CHAT: variants seen among roughly 807,000 people sequenced by gnomAD.
The protein encoded by CHAT is choline O-acetyltransferase, also known as acetyl CoA:choline O-acetyltransferase.
CHAT carries 61 observed loss-of-function variants against 76.9 expected under a neutral mutation model. The ratio of observed to expected loss-of-function variants is 0.79; its 90% CI spans 0.65 to 0.98. CHAT has a LOEUF of 0.98. Among genes scored for constraint, CHAT ranks in the 50% least tolerant of loss-of-function variants. CHAT has a pLI of 0.00. For synonymous variants in CHAT, 407 were observed against 397.4 expected (o/e 1.02, Z -0.29); for missense variants, 946 against 986.9 (o/e 0.96, Z 0.56).
At chr10:49,619,648 G>A (rs1838623754) in intron 2 of CHAT, 77 bp from the exon 3 acceptor site, 4 of 1,410,624 alleles carry the variant, frequency 2.8e-6, no homozygotes, top group Non-Finnish European at 3.9e-6. Context: ...GAACAATACA[G>A]ATACTAGGGA....
intron 7 of CHAT, among the ~76,000 whole-genome samples, chr10:49,643,043 A>G (rs1839538321): frequency 6.6e-6 from 1 of 152,176 alleles, no homozygotes. Context: ...CCCTCCACTT[A>G]GTGGATGATT....
At chr10:49,655,342 A>AAAG in intron 12 of CHAT, 44 bp from the exon 13 acceptor site, 1 of 1,613,470 alleles carries the variant, frequency 6.2e-7, no homozygotes, top group Non-Finnish European at 8.5e-7. Context: ...TTTGGCTCCA[A>AAAG]GCAGCCTTTT....
upstream of CHAT, chr10:49,611,352 C>T: frequency 6.2e-7 from 1 of 1,601,054 alleles, no homozygotes. Context: ...CCGATAAGTA[C>T]CCGGAGGAGC....
intron 7 of CHAT, among the ~76,000 whole-genome samples, chr10:49,641,592 C>T (rs539068139): frequency 1.4e-4 from 22 of 152,118 alleles, no homozygotes; most frequent in African/African-American, 5.1e-4. Context: ...GCCAGAGAGT[C>T]GGGAAGAATA....
chr10:49,650,655 G>C (rs534855809), intron 10 of CHAT, among the ~76,000 whole-genome samples: 2 of 152,306 alleles, frequency 1.3e-5, no homozygotes, highest in South Asian at 2.1e-4. Context: ...TATGGGCCTA[G>C]AGCCTGCCCT....
At chr10:49,647,615 C>G (rs1839714499) in intron 8 of CHAT, among the ~76,000 whole-genome samples, 2 of 152,212 alleles carry the variant, frequency 1.3e-5, no homozygotes, top group South Asian at 4.1e-4. Context: ...GCTGGGCCAG[C>G]TGTTTTAGCC....
rs778131406 is a variant in CHAT at position 49,619,935 on chromosome 10, GAACCC to G, written c.579+21_579+25del. ...CAACTGGGTAAGAGGGGCAGACAAG[GAACCC>G]ATAGAAGAGGGGCGGGAGGCAGACC... On this transcript the variant is annotated intron_variant, in intron 3 of 14. Coordinates refer to ENST00000337653, the MANE Select transcript of CHAT (RefSeq NM_020549.5). 5 of 1,604,412 alleles carry G rather than the reference GAACCC, an allele frequency of 3.1e-6. No homozygotes were observed. Among genetic ancestry groups the G allele is most frequent in the Non-Finnish European group, 4.3e-6 (5 of 1,176,006 alleles).
chr10:49,622,041 G>GGTCGGGAAGAGGAAGGAGATGGAAGGAA, intron 4 of CHAT, 56 bp from the exon 5 acceptor site: 1 of 520,534 alleles, frequency 1.9e-6, no homozygotes, highest in Non-Finnish European at 2.8e-6. Context: ...AGGGAGGGAG[G>GGTCGGGAAGAGGAAGGAGATGGAAGGAA]GAGGGAGGAA....
Position 49,627,799 on chromosome 10 carries a change from C to G in CHAT, c.1111+14C>G. 6.2e-7 allele frequency: 1 copy of G among 1,611,652 alleles called. No individual in the cohort carries two copies. Among genetic ancestry groups the G allele is most frequent in the Non-Finnish European group, 8.5e-7 (1 of 1,179,574 alleles). ...TCCTCGTGAAAGGTCAGCCGCAGTG[C>G]CCAGCACATCTCCATGCCCATCTCA... On this transcript the variant is annotated intron_variant, in intron 7 of 14. Transcript: ENST00000337653.
chr10:49,662,777 A>T lies in CHAT; in HGVS notation c.1972A>T (p.Ser658Cys). The T allele has an allele frequency of 1.2e-6, 2 of 1,614,210 alleles. No individual in the cohort carries two copies. Among genetic ancestry groups the T allele is most frequent in the Non-Finnish European group, 1.7e-6 (2 of 1,180,028 alleles). ...LMSNRFVLST[S>C]QVPTTTEMFC... ...GAGCAACCGGTTTGTCCTCTCCACT[A>T]GCCAGGTACGGCCCCGTGCAGCTAT... Residue 658 changes from serine (S) to cysteine (C), a missense_variant, in exon 14 of 15, where the codon AGC (serine) becomes TGC (cysteine). Ser to Cys is a moderately radical substitution (Grantham distance 112). Around this residue, in one of 3 missense-constraint regions of CHAT, gnomAD observed 349 missense variants for 393.9 expected, o/e 0.89. Coordinates refer to ENST00000337653, the MANE Select transcript of CHAT (RefSeq NM_020549.5).
At position 49,627,654 on chromosome 10, in the gene CHAT, G is replaced by A. The variant is rs546158744; in HGVS notation, c.980G>A (p.Gly327Glu). The A allele has an allele frequency of 5.6e-6, 9 of 1,614,142 alleles. No homozygotes were observed. The highest frequency in any genetic ancestry group is 3.3e-4 in the Middle Eastern group (2 of 6,062). ...ATTAATTTCCGCCGTCTCAGTGAGG[G>A]GGATCTGTTCACTCAGTTGAGAAAG... is the stretch of plus-strand genomic sequence containing the variant. ...VVINFRRLSE[G>E]DLFTQLRKIV... Residue 327 changes from glycine to glutamate, a missense_variant, in exon 7 of 15, where the codon GGG becomes GAG. Coordinates refer to ENST00000337653, the MANE Select transcript of CHAT (RefSeq NM_020549.5).
At position 49,655,129 on chromosome 10, in the gene CHAT, G is replaced by A. The variant is rs372760913; in HGVS notation, c.1669G>A (p.Ala557Thr). Reference sequence around the variant, plus strand: ...AAGACTGGTGCCCACCTACGAGAGCGCGTCCATCCGCCGATTCCAGGAGGG... The same window carrying A: ...AAGACTGGTGCCCACCTACGAGAGCACGTCCATCCGCCGATTCCAGGAGGG... ...HRRLVPTYES[A>T]SIRRFQEGRV... The change falls in exon 12 of 15, where the codon GCG becomes ACG. Residue 557 changes from alanine to threonine, a missense_variant. Physicochemically the swap from Ala to Thr is moderately conservative, Grantham distance 58. Coordinates refer to ENST00000337653, the MANE Select transcript of CHAT (RefSeq NM_020549.5). 104 of 1,613,868 alleles carry A rather than the reference G, an allele frequency of 6.4e-5. No individual in the cohort carries two copies. The highest frequency in any genetic ancestry group is 8.0e-5 in the African/African-American group (6 of 74,874).
At chr10:49,622,462 G>A (rs913136829) in intron 5 of CHAT, among the ~76,000 whole-genome samples, 3 of 152,222 alleles carry the variant, frequency 2.0e-5, no homozygotes, top group African/African-American at 7.2e-5. Context: ...GGAAGGCGGG[G>A]AAGGAAGAGT....
chr10:49,621,661 C>T (rs1838713952), intron 4 of CHAT, among the ~76,000 whole-genome samples: 1 of 152,140 alleles, frequency 6.6e-6, no homozygotes, highest in East Asian at 1.9e-4. Context: ...CAAGGAAGAA[C>T]TCCACCCTTC....
intron 7 of CHAT, among the ~76,000 whole-genome samples, chr10:49,641,902 G>A (rs1312078408): frequency 6.6e-6 from 1 of 152,192 alleles, no homozygotes; most frequent in Non-Finnish European, 1.5e-5. Context: ...CCTGAGTCTT[G>A]CAGCCCTGCA....
At position 49,625,125 on chromosome 10, in the gene CHAT, G is replaced by A. The variant is rs555036257; in HGVS notation, c.753-348G>A. On this transcript the variant is annotated intron_variant, in intron 5 of 14. Transcript: ENST00000337653. ...GATAAAGGAGTAGGCTCTTGAAGGA[G>A]GGGAAGGAGTTTTCTGAATAGAACA... Among the ~76,000 whole-genome samples the A allele has an allele frequency of 3.3e-5, 5 of 152,304 alleles. No homozygotes were observed. The South Asian group carries it at 1.0e-3, about 32-fold the overall frequency.
At chr10:49,628,650 G>A (rs545114641) in intron 7 of CHAT, among the ~76,000 whole-genome samples, 13 of 152,344 alleles carry the variant, frequency 8.5e-5, no homozygotes, top group African/African-American at 2.6e-4. Flanking sequence ...TCAGACAGGC[G>A]TCAAAAACGT....
chr10:49,616,553 A>G lies in CHAT; in HGVS notation c.338A>G (p.Glu113Gly). ...GGACTCACCAAGACGCCCATCCTGGAAAAGGTCCCCCGTAAGATGGCAGCA... is the reference window on the plus strand; with the variant it reads ...GGACTCACCAAGACGCCCATCCTGGGAAAGGTCCCCCGTAAGATGGCAGCA... ...APGLTKTPIL[E>G]KVPRKMAAKT... Residue 113 changes from glutamate to glycine, a missense_variant, in exon 2 of 15, where the codon GAA becomes GGA. Physicochemically the swap from Glu to Gly is moderately conservative, Grantham distance 98 (BLOSUM62 -2). Transcript: ENST00000337653. 3.1e-6 allele frequency: 5 copies of G among 1,612,688 alleles called. No individual in the cohort carries two copies. The highest frequency in any genetic ancestry group is 4.2e-6 in the Non-Finnish European group (5 of 1,179,214).
chr10:49,615,922 C>A (rs527477684), intron 1 of CHAT: 3 of 1,024,536 alleles, frequency 2.9e-6, no homozygotes, highest in East Asian at 4.9e-5. Context: ...CTGCCCTGGC[C>A]ACAGGCCAGG....
Sources: gnomAD v4.1 joint callset for allele counts (sites outside exome capture counted in the v4.1 genomes callset) on GRCh38, gnomAD v4.1.1 for gene constraint, gnomAD v4.1.1 regional missense constraint, MANE v1.5 for transcripts, NCBI Gene and HGNC (gene_info 2026-07-23, HGNC 2026-07-21) for gene names.